The following LIN9 variants were observed in gnomAD, a reference collection of about 807,000 sequenced individuals.
LIN9 encodes the protein lin-9 DREAM MuvB core complex component.
LIN9 carries 18 observed loss-of-function variants against 78.0 expected under a neutral mutation model. The ratio of observed to expected loss-of-function variants is 0.23; its 90% CI spans 0.16 to 0.34. The LOEUF (loss-of-function observed/expected upper bound fraction) is 0.34. Ranked by LOEUF, LIN9 falls within the 10% of genes least tolerant of loss-of-function variation. The pLI is 1.00. For missense variants in LIN9, 451 were observed against 644.1 expected (o/e 0.70, Z 3.25); for synonymous variants, 192 against 215.2 (o/e 0.89, Z 0.94).
chr1:226,297,947 T>A (rs1241540406), intron 2 of LIN9, 134 bp from the exon 3 acceptor site: 2 of 389,868 alleles, frequency 5.1e-6, no homozygotes, highest in Non-Finnish European at 9.0e-6. Flanking sequence ...TATAATAATT[T>A]TAGATTATTA....
At chr1:226,251,660 C>T (rs1216593407) in intron 10 of LIN9, among the ~76,000 whole-genome samples, 1 of 152,186 alleles carries the variant, frequency 6.6e-6, no homozygotes, top group Non-Finnish European at 1.5e-5. Context: ...CCACACTCAG[C>T]GTCATAGCAC....
chr1:226,279,849 C>A (rs1660931430), intron 6 of LIN9, among the ~76,000 whole-genome samples: 1 of 147,302 alleles, frequency 6.8e-6, no homozygotes. Flanking sequence ...TTTTAAAAAA[C>A]AGGACCTTCC....
intron 11 of LIN9, 104 bp downstream of exon 11, chr1:226,250,735 C>T: frequency 1.6e-6 from 1 of 635,816 alleles, no homozygotes; most frequent in Non-Finnish European, 2.7e-6. Context: ...TAATATTTAT[C>T]TGAAGGTTTC....
At chr1:226,243,556 C>T (rs544494167) in intron 11 of LIN9, among the ~76,000 whole-genome samples, 17 of 151,848 alleles carry the variant, frequency 1.1e-4, no homozygotes, top group East Asian at 5.9e-4. Flanking sequence ...ATTAGCTGGG[C>T]GTGGTGGTGC....
At chr1:226,269,607 C>A (rs949048970) in intron 7 of LIN9, among the ~76,000 whole-genome samples, 3 of 152,098 alleles carry the variant, frequency 2.0e-5, no homozygotes, top group African/African-American at 7.2e-5. Context: ...TTTATTAGTT[C>A]AGGGTTGGTC....
chr1:226,251,092 T>C (rs1301036677), intron 10 of LIN9, among the ~76,000 whole-genome samples, 173 bp from the exon 11 acceptor site: 1 of 152,210 alleles, frequency 6.6e-6, no homozygotes, highest in Non-Finnish European at 1.5e-5. Flanking sequence ...AGTCTCCCTC[T>C]GTCACCCAGG....
intron 10 of LIN9, among the ~76,000 whole-genome samples, chr1:226,262,330 G>C (rs1393649019): frequency 6.6e-6 from 1 of 152,062 alleles, no homozygotes; most frequent in Non-Finnish European, 1.5e-5. Flanking sequence ...ATTGTAAAGA[G>C]AATGAAAAGA....
intron 6 of LIN9, among the ~76,000 whole-genome samples, chr1:226,283,510 G>A (rs1180589921): frequency 1.3e-5 from 2 of 151,870 alleles, no homozygotes; most frequent in Non-Finnish European, 2.9e-5. Context: ...TAGGGAATTA[G>A]CTCTCTGTAA....
At chr1:226,260,723 C>A (rs1659525006) in intron 10 of LIN9, among the ~76,000 whole-genome samples, 1 of 139,380 alleles carries the variant, frequency 7.2e-6, no homozygotes. Flanking sequence ...CGGCTCACTG[C>A]AAGCTCCGCC....
chr1:226,234,130 G>A (rs1407169780), intron 12 of LIN9, among the ~76,000 whole-genome samples: 6 of 152,156 alleles, frequency 3.9e-5, no homozygotes, highest in South Asian at 2.1e-4. Flanking sequence ...GGTAAGTTAA[G>A]TGTCTGCCAG....
chr1:226,296,705 C>T (rs1489561616), intron 3 of LIN9, among the ~76,000 whole-genome samples: 3 of 152,092 alleles, frequency 2.0e-5, no homozygotes, highest in African/African-American at 4.8e-5. Flanking sequence ...AACATCCACT[C>T]GGGTCTATGA....
chr1:226,244,613 C>CA (rs1658345344), intron 11 of LIN9, among the ~76,000 whole-genome samples: 1 of 152,230 alleles, frequency 6.6e-6, no homozygotes, highest in Non-Finnish European at 1.5e-5. Context: ...TGAAGGCAAA[C>CA]AGTCTGTAAA....
At position 226,265,770 on chromosome 1, in the gene LIN9, C is replaced by CT. The variant is rs1659864403; in HGVS notation, c.937-137dup. 1.9e-6 allele frequency: 1 copy of CT among 517,120 alleles called. No homozygotes were observed. The highest frequency in any genetic ancestry group is 3.4e-6 in the Non-Finnish European group (1 of 292,684). The allele number at this position is 517,120 out of a possible 1,614,324, so 32.0% of individuals were successfully genotyped here. On this transcript the variant is annotated intron_variant, in intron 9 of 14. Coordinates refer to ENST00000681046, the MANE Select transcript of LIN9 (RefSeq NM_001366245.2). The surrounding 1 kb of genome is among the most constrained non-coding windows in gnomAD (Gnocchi z 4.1). ...CTCGGCTCACTGCAATCTCTGACTC[C>CT]TGGGTTCAAGCGATTCTCCTGCCTC...
intron 6 of LIN9, among the ~76,000 whole-genome samples, chr1:226,278,408 G>A (rs1275386716): frequency 2.0e-5 from 3 of 151,750 alleles, no homozygotes; most frequent in Non-Finnish European, 2.9e-5. Flanking sequence ...CAGCCTGGGC[G>A]ACAAGAGTGA....
At position 226,270,888 on chromosome 1, in the gene LIN9, A is replaced by C. The variant is rs532281685; in HGVS notation, c.683-2798T>G. Among the ~76,000 whole-genome samples, 4 of 148,082 alleles carry C rather than the reference A, an allele frequency of 2.7e-5. No homozygotes were observed. In the East Asian group the frequency reaches 7.9e-4, roughly 29 times the overall value. On this transcript the variant is annotated intron_variant, in intron 7 of 14. Transcript: ENST00000681046. Reference sequence around the variant, plus strand: ...TATGTACTTTTTTCCTATTCTCTTCATTTCTGTTTTTTGAAAAATTTATTT... The same window carrying C: ...TATGTACTTTTTTCCTATTCTCTTCCTTTCTGTTTTTTGAAAAATTTATTT...
chr1:226,286,192 T>A, intron 6 of LIN9, 141 bp downstream of exon 6: 1 of 712,222 alleles, frequency 1.4e-6, no homozygotes, highest in Non-Finnish European at 2.2e-6. Context: ...TTCACAGGTG[T>A]AATCACAGCA....
rs1010860579 is a variant in LIN9, at chr1:226,231,913, C to T, written c.*588G>A. ...AAAATATTTATTATTATAAAATGAT[C>T]TACAGAACCATGTCACATTGCAAGT... On this transcript the variant is annotated 3_prime_UTR_variant, in exon 15 of 15. Transcript: ENST00000681046. 5.4e-6 allele frequency: 2 copies of T among 371,106 alleles called. No individual in the cohort carries two copies. The highest frequency in any genetic ancestry group is 9.5e-6 in the Non-Finnish European group (2 of 210,458). The allele number at this position is 371,106 out of a possible 1,614,324, so 23.0% of individuals were successfully genotyped here. A position where few individuals can be genotyped will look rare whatever the true frequency, so the allele number is the denominator to read the frequency against.
Position 226,277,887 on chromosome 1 carries a change from C to G in LIN9, c.570G>C (p.Gln190His). The G allele has an allele frequency of 6.2e-7, 1 of 1,613,644 alleles. No individual in the cohort carries two copies. The highest frequency in any genetic ancestry group is 8.5e-7 in the Non-Finnish European group (1 of 1,179,810). The stretch of plus-strand genomic sequence containing the variant: ...GTAAGAGCCTTATTTTCTGCCGTTT[C>G]TGTTTTAATGCTGATCTCTCTTCCT... The part of the protein sequence containing the change: ...FFEEERSALK[Q>H]KRQKIRLLQQ... The change falls in exon 7 of 15, where the codon CAG (glutamine) becomes CAC (histidine). Residue 190 changes from glutamine to histidine, a missense_variant. Physicochemically the swap from Gln to His is conservative, Grantham distance 24. Coordinates refer to ENST00000681046, the MANE Select transcript of LIN9 (RefSeq NM_001366245.2).
intron 6 of LIN9, among the ~76,000 whole-genome samples, chr1:226,278,595 G>A (rs1026150648): frequency 4.6e-5 from 7 of 151,802 alleles, no homozygotes; most frequent in East Asian, 1.9e-4. Context: ...AGGCCACGGC[G>A]GGTGGATGAC....
Sources: gnomAD v4.1 joint callset for allele counts (sites outside exome capture counted in the v4.1 genomes callset) on GRCh38, gnomAD v4.1.1 for gene constraint, Gnocchi (gnomAD v3.1) non-coding constraint, MANE v1.5 for transcripts, NCBI Gene and HGNC (gene_info 2026-07-23, HGNC 2026-07-21) for gene names.